The following LIN7A variants were observed in gnomAD, a reference collection of about 807,000 sequenced individuals.
LIN7A encodes protein lin-7 homolog A.
In LIN7A, 25 loss-of-function variants were observed where a neutral mutation model predicts 29.8. The observed-to-expected ratio is 0.84, with a 90% CI of 0.61 to 1.17. LIN7A has a LOEUF of 1.17. Among genes scored for constraint, LIN7A ranks in the 50% most tolerant of loss-of-function variants. LIN7A has a pLI of 0.00. For synonymous variants in LIN7A, 118 were observed against 107.5 expected, an observed-to-expected ratio of 1.10 and a Z score of -0.60; for missense variants, 239 against 287.0, an observed-to-expected ratio of 0.83 and a Z score of 1.21.
intron 4 of LIN7A, among the ~76,000 whole-genome samples, chr12:80,826,860 A>G (rs530093681): frequency 2.0e-5 from 3 of 152,190 alleles, no homozygotes; most frequent in Non-Finnish European, 4.4e-5. Context: ...CTTAAAATCT[A>G]TTGATGAGTA....
intron 5 of LIN7A, among the ~76,000 whole-genome samples, chr12:80,801,550 C>CAAATTTGTGATGTACAAAT (rs1365855995): frequency 6.6e-6 from 1 of 152,012 alleles, no homozygotes; most frequent in Non-Finnish European, 1.5e-5. Context: ...TTGTGATGTA[C>CAAATTTGTGATGTACAAAT]AAATTTGTGA....
chr12:80,937,626 G>A lies in LIN7A; in HGVS notation c.82+15C>T, dbSNP rs367736950. The A allele has an allele frequency of 3.4e-6, 5 of 1,479,648 alleles. No individual in the cohort carries two copies. Among genetic ancestry groups the A allele is most frequent in the Non-Finnish European group, 2.7e-6 (3 of 1,105,320 alleles). 91.7% of individuals were successfully genotyped at this position (1,479,648 alleles called of 1,614,324 possible). On this transcript the variant is annotated intron_variant, in intron 1 of 5. Coordinates refer to ENST00000552864, the MANE Select transcript of LIN7A (RefSeq NM_004664.4). ...GAGGGGACGCGGTGGCCTGGCGAGC[G>A]AGCCGCTCCCTTACCTCTGTCCAGG...
chr12:80,880,235 A>T (rs1483295147), intron 2 of LIN7A, among the ~76,000 whole-genome samples: 1 of 152,154 alleles, frequency 6.6e-6, no homozygotes, highest in Non-Finnish European at 1.5e-5. Context: ...TAGACCAGAA[A>T]ATCTGAAATT....
At chr12:80,844,091 T>C (rs931073765) in intron 4 of LIN7A, among the ~76,000 whole-genome samples, 2 of 152,092 alleles carry the variant, frequency 1.3e-5, no homozygotes, top group African/African-American at 4.8e-5. Context: ...TTATATAATA[T>C]ATTCAGAGAA....
intron 2 of LIN7A, among the ~76,000 whole-genome samples, chr12:80,856,613 T>C (rs759000077): frequency 2.6e-5 from 4 of 152,164 alleles, no homozygotes; most frequent in Non-Finnish European, 5.9e-5. Context: ...TCCATTACTT[T>C]CATTGGTATT....
chr12:80,911,148 C>T (rs188115445), intron 1 of LIN7A, among the ~76,000 whole-genome samples: 35 of 152,108 alleles, frequency 2.3e-4, no homozygotes, highest in African/African-American at 8.4e-4. Context: ...TTGCTCAGTG[C>T]TATTCAGTAC....
In LIN7A at chr12:80,890,709, T is replaced by C. The variant is rs150797533; in HGVS notation, c.83-1340A>G. On this transcript the variant is annotated intron_variant, in intron 1 of 5. Transcript: ENST00000552864. ...TGTGACACTGCCAGTTTCCAAAGTC[T>C]GTCTTTTAGTACATAAACAGGAAGT... is the stretch of plus-strand genomic sequence containing the variant. Among the ~76,000 whole-genome samples, 840 of 152,270 alleles carry C rather than the reference T, an allele frequency of 5.5e-3. 4 individuals are homozygous for C. Among genetic ancestry groups the C allele is most frequent in the African/African-American group, 0.015 (623 of 41,558 alleles).
At chr12:80,809,586 T>C (rs1366547587) in intron 5 of LIN7A, among the ~76,000 whole-genome samples, 2 of 152,216 alleles carry the variant, frequency 1.3e-5, no homozygotes, top group Non-Finnish European at 2.9e-5. Flanking sequence ...AATGCAGTCA[T>C]GGGAAATCCA....
At chr12:80,802,844 G>A (rs975130077) in intron 5 of LIN7A, among the ~76,000 whole-genome samples, 2 of 151,886 alleles carry the variant, frequency 1.3e-5, no homozygotes, top group African/African-American at 2.4e-5. Context: ...ACAGGTGTGA[G>A]GTGAAACCTC....
chr12:80,876,003 A>G (rs1394829825), intron 2 of LIN7A, among the ~76,000 whole-genome samples: 2 of 152,018 alleles, frequency 1.3e-5, no homozygotes, highest in Non-Finnish European at 2.9e-5. Context: ...TATGGCACAT[A>G]CTCATCATTA....
At chr12:80,884,481 C>T (rs995719193) in intron 2 of LIN7A, among the ~76,000 whole-genome samples, 12 of 152,190 alleles carry the variant, frequency 7.9e-5, no homozygotes, top group African/African-American at 2.6e-4. Context: ...TCATATAAAA[C>T]ATTACTAGTC....
At chr12:80,811,144 G>A (rs532459800) in intron 5 of LIN7A, among the ~76,000 whole-genome samples, 1 of 152,138 alleles carries the variant, frequency 6.6e-6, no homozygotes, top group Admixed American at 6.5e-5. Context: ...TTTGCACAGA[G>A]GCTGCATTTT....
At chr12:80,908,538 G>A (rs1412468180) in intron 1 of LIN7A, among the ~76,000 whole-genome samples, 2 of 151,996 alleles carry the variant, frequency 1.3e-5, no homozygotes, top group Non-Finnish European at 2.9e-5. Context: ...GGAGAGAGAT[G>A]ACTTAAGGTA....
chr12:80,914,911 G>T (rs1185601362), intron 1 of LIN7A, among the ~76,000 whole-genome samples: 1 of 152,008 alleles, frequency 6.6e-6, no homozygotes, highest in Non-Finnish European at 1.5e-5. Flanking sequence ...AGCTGGGTGT[G>T]GTGGTGAGCG....
chr12:80,888,115 T>C (rs1404753964), intron 2 of LIN7A, among the ~76,000 whole-genome samples: 1 of 152,128 alleles, frequency 6.6e-6, no homozygotes, highest in Non-Finnish European at 1.5e-5. Context: ...ATCAAATTCA[T>C]AGGTTAAAAC....
At chr12:80,870,115 C>A (rs1592911415) in intron 2 of LIN7A, among the ~76,000 whole-genome samples, 1 of 152,126 alleles carries the variant, frequency 6.6e-6, no homozygotes, top group Admixed American at 6.5e-5. Flanking sequence ...CTCCTAGGAT[C>A]TCAATGCACA....
intron 4 of LIN7A, chr12:80,832,441 G>A: frequency 2.3e-6 from 1 of 435,758 alleles, no homozygotes; most frequent in Non-Finnish European, 4.6e-6. Context: ...CTTTGCCTTT[G>A]TCATCCATGG....
intron 5 of LIN7A, among the ~76,000 whole-genome samples, chr12:80,800,168 A>G (rs1870645747): frequency 6.6e-6 from 1 of 152,094 alleles, no homozygotes; most frequent in Admixed American, 6.6e-5. Context: ...CATTTTGATA[A>G]CCTAGATGAA....
chr12:80,866,037 G>C (rs1296352204), intron 2 of LIN7A, among the ~76,000 whole-genome samples: 1 of 152,172 alleles, frequency 6.6e-6, no homozygotes, highest in East Asian at 1.9e-4. Context: ...TGCATGTGTT[G>C]TGTGCAGGTG....
Sources: gnomAD v4.1 joint callset for allele counts (sites outside exome capture counted in the v4.1 genomes callset) on GRCh38, gnomAD v4.1.1 for gene constraint, MANE v1.5 for transcripts, NCBI Gene and HGNC (gene_info 2026-07-23, HGNC 2026-07-21) for gene names.